MCCC1: variants seen among roughly 807,000 people sequenced by gnomAD.
MCCC1 encodes the protein methylcrotonyl-CoA carboxylase subunit 1.
Under a neutral mutation model 83.8 loss-of-function variants are expected in MCCC1, and 64 were observed. The ratio of observed to expected loss-of-function variants is 0.76; its 90% CI spans 0.62 to 0.94. MCCC1 has a LOEUF of 0.94. Ranked by LOEUF, MCCC1 falls within the 40% of genes least tolerant of loss-of-function variation. The pLI, the probability that MCCC1 is intolerant of heterozygous loss-of-function variation, is 0.00. For synonymous variants in MCCC1, 322 were observed against 315.4 expected (o/e 1.02, Z -0.22); for missense variants, 807 against 904.7 (o/e 0.89, Z 1.39).
At chr3:183,107,156 G>C (rs1400312304) in intron 1 of MCCC1, among the ~76,000 whole-genome samples, 1 of 152,088 alleles carries the variant, frequency 6.6e-6, no homozygotes. Context: ...TGTAATCCCA[G>C]CACTTTGGGA....
chr3:183,102,758 GTTTTTT>G (rs566199257), upstream of MCCC1, among the ~76,000 whole-genome samples: 6 of 52,214 alleles, frequency 1.1e-4, no homozygotes, highest in Non-Finnish European at 1.8e-4. Context: ...AGCAGAGAAA[GTTTTTT>G]TTTTTTTTTT....
rs141825595 is a variant in MCCC1, at chr3:183,028,839, T to A, written c.1682-3035A>T. Among the ~76,000 whole-genome samples, 40 of 152,296 alleles carry A rather than the reference T, an allele frequency of 2.6e-4. No homozygotes were observed. In the East Asian group the frequency reaches 7.5e-3, roughly 29 times the overall value. On this transcript the variant is annotated intron_variant, in intron 14 of 18. Coordinates refer to ENST00000265594, the MANE Select transcript of MCCC1 (RefSeq NM_020166.5). ...TCTCATTTTATGAAAACTGCTACAGTCACCCCAATCTTCAGCAATTGCCAC... is the reference window on the plus strand; with the variant it reads ...TCTCATTTTATGAAAACTGCTACAGACACCCCAATCTTCAGCAATTGCCAC...
At chr3:183,088,876 A>G (rs1478808306) in intron 3 of MCCC1, among the ~76,000 whole-genome samples, 1 of 152,216 alleles carries the variant, frequency 6.6e-6, no homozygotes, top group African/African-American at 2.4e-5. Context: ...TGGCAGTATC[A>G]TAGTTCATTT....
At chr3:183,022,316 C>A in intron 16 of MCCC1, 101 bp downstream of exon 16, 2 of 1,418,390 alleles carry the variant, frequency 1.4e-6, no homozygotes, top group Admixed American at 1.7e-5. Context: ...CAGCAGTGGT[C>A]ACAGGAAGCT....
chr3:183,085,785 T>C (rs1471725232), intron 4 of MCCC1, among the ~76,000 whole-genome samples: 5 of 152,192 alleles, frequency 3.3e-5, no homozygotes, highest in Non-Finnish European at 2.9e-5. Flanking sequence ...GCTCTGCCTG[T>C]TTGCCAGTGG....
At chr3:183,100,987 C>G (rs959349120), upstream of MCCC1, among the ~76,000 whole-genome samples, 17 of 152,258 alleles carry the variant, frequency 1.1e-4, no homozygotes, top group Non-Finnish European at 2.4e-4. Flanking sequence ...GCCCCGCACT[C>G]GGAACAGCCA....
At chr3:183,043,023 C>T (rs987513063) in intron 10 of MCCC1, among the ~76,000 whole-genome samples, 1 of 152,228 alleles carries the variant, frequency 6.6e-6, no homozygotes, top group African/African-American at 2.4e-5. Context: ...GGTGTGGTGG[C>T]TCATGCCTGT....
At chr3:183,050,681 G>A (rs1714900939) in intron 9 of MCCC1, among the ~76,000 whole-genome samples, 1 of 147,178 alleles carries the variant, frequency 6.8e-6, no homozygotes. Flanking sequence ...ATTCCAGCCT[G>A]GGAGACAGAG....
intron 15 of MCCC1, among the ~76,000 whole-genome samples, chr3:183,023,305 G>A (rs1237346577): frequency 1.3e-5 from 2 of 152,144 alleles, no homozygotes; most frequent in South Asian, 2.1e-4. Context: ...GTACACTAAG[G>A]TGAAATAGGT....
chr3:183,029,144 G>A (rs1226969583), intron 14 of MCCC1: 2 of 152,174 alleles, frequency 1.3e-5, no homozygotes, highest in African/African-American at 4.8e-5. Flanking sequence ...AGTATGCCTA[G>A]ATTACATGAG....
At chr3:183,109,597 T>A (rs1719462317) in intron 1 of MCCC1, among the ~76,000 whole-genome samples, 1 of 152,218 alleles carries the variant, frequency 6.6e-6, no homozygotes, top group Non-Finnish European at 1.5e-5. Context: ...CTTTCTTTTT[T>A]ATGGTTGTGT....
chr3:183,039,882 G>GT (rs1459354869), intron 11 of MCCC1, among the ~76,000 whole-genome samples: 48 of 152,058 alleles, frequency 3.2e-4, no homozygotes, highest in African/African-American at 1.0e-3. Context: ...AGATCACAAA[G>GT]TCAGGAGTTC....
chr3:183,047,405 C>A (rs1424570157), intron 9 of MCCC1, among the ~76,000 whole-genome samples: 1 of 152,146 alleles, frequency 6.6e-6, no homozygotes, highest in Non-Finnish European at 1.5e-5. Context: ...TAGCAAAATT[C>A]TCTTTACCCA....
chr3:183,044,960 G>A (rs142580658), intron 10 of MCCC1, among the ~76,000 whole-genome samples: 3 of 152,144 alleles, frequency 2.0e-5, no homozygotes, highest in East Asian at 3.9e-4. Flanking sequence ...GGTGGTACAC[G>A]TGAATGTTTG....
chr3:183,074,320 G>A (rs1400223744), intron 4 of MCCC1, among the ~76,000 whole-genome samples: 1 of 152,152 alleles, frequency 6.6e-6, no homozygotes, highest in Non-Finnish European at 1.5e-5. Flanking sequence ...AGGACAGCAA[G>A]ATTTCTAAAA....
chr3:183,098,331 C>CAT (rs1178309414), intron 1 of MCCC1, among the ~76,000 whole-genome samples: 2 of 152,252 alleles, frequency 1.3e-5, no homozygotes, highest in African/African-American at 2.4e-5. Context: ...AGCAAACGTT[C>CAT]ATATAAATGG....
chr3:183,041,793 G>A lies in MCCC1; in HGVS notation c.1084-43C>T, dbSNP rs369378897. ...TTTCTTATGAAATCTACCGTATAGC[G>A]GCTACCAGACTTAGTAAATCAATGG... On this transcript the variant is annotated intron_variant, in intron 10 of 18. Transcript: ENST00000265594. 30 of 1,605,826 alleles carry A rather than the reference G, an allele frequency of 1.9e-5. No individual in the cohort carries two copies. In the East Asian group the frequency reaches 2.9e-4, roughly 16 times the overall value.
chr3:183,108,923 GTT>G (rs926984195), intron 1 of MCCC1, among the ~76,000 whole-genome samples: 11 of 152,180 alleles, frequency 7.2e-5, no homozygotes, highest in Admixed American at 2.6e-4. Flanking sequence ...GATATGCTGG[GTT>G]TTTAAAAAAT....
intron 9 of MCCC1, 67 bp from the exon 10 acceptor site, chr3:183,045,607 G>A (rs940633705): frequency 6.5e-7 from 1 of 1,544,514 alleles, no homozygotes; most frequent in Non-Finnish European, 8.9e-7. Context: ...AATCTTCCAT[G>A]ATGCATCACA....
Sources: allele counts gnomAD v4.1 joint callset (sites outside exome capture counted in the v4.1 genomes callset), GRCh38; gene constraint gnomAD v4.1.1; transcripts MANE v1.5; gene names NCBI Gene and HGNC (gene_info 2026-07-23, HGNC 2026-07-21).